ANP32B: variants seen among roughly 807,000 people sequenced by gnomAD.
ANP32B encodes acidic nuclear phosphoprotein 32 family member B.
A neutral mutation model predicts 32.2 loss-of-function variants in ANP32B; 6 were observed. That is an observed-to-expected ratio of 0.19 (90% CI 0.10 to 0.37). The LOEUF (loss-of-function observed/expected upper bound fraction) is 0.37. Among genes scored for constraint, ANP32B ranks in the 10% least tolerant of loss-of-function variants. The pLI, the probability that ANP32B is intolerant of heterozygous loss-of-function variation, is 1.00. For missense variants in ANP32B, 204 were observed against 289.2 expected, an observed-to-expected ratio of 0.71 and a Z score of 2.14; for synonymous variants, 98 against 105.8, an observed-to-expected ratio of 0.93 and a Z score of 0.45.
intron 1 of ANP32B, among the ~76,000 whole-genome samples, chr9:97,986,284 A>G (rs1035346479): frequency 6.6e-6 from 1 of 152,286 alleles, no homozygotes; most frequent in Non-Finnish European, 1.5e-5. Flanking sequence ...ACTGGCCTGC[A>G]GAATCCACTG....
intron 3 of ANP32B, among the ~76,000 whole-genome samples, chr9:98,000,239 A>T (rs1414384906): frequency 6.6e-6 from 1 of 152,118 alleles, no homozygotes. Context: ...TCGACCTCCC[A>T]AAGTGTTTGG....
chr9:98,011,829 T>C (rs768345923), intron 5 of ANP32B, among the ~76,000 whole-genome samples: 1 of 152,194 alleles, frequency 6.6e-6, no homozygotes, highest in Non-Finnish European at 1.5e-5. Context: ...TGAAATGAGA[T>C]TGTGGTCCTG....
chr9:97,987,848 G>C (rs1448349918), intron 1 of ANP32B, among the ~76,000 whole-genome samples: 1 of 152,028 alleles, frequency 6.6e-6, no homozygotes, highest in African/African-American at 2.4e-5. Context: ...GACCTCTTTT[G>C]TTGTGTCTAC....
chr9:97,990,975 A>C (rs1340540374), intron 1 of ANP32B, among the ~76,000 whole-genome samples: 2 of 152,016 alleles, frequency 1.3e-5, no homozygotes, highest in Non-Finnish European at 2.9e-5. Context: ...GCACACCACC[A>C]TGCCCGGCAC....
rs1587868331 is a variant in ANP32B, at chr9:97,984,226, G to C, written c.54+617G>C. ...TGGAGGCCTGGGCGGGCGCGGCCCG[G>C]CGCGCGGAGCGGGGGAGGGGCGGGC... On this transcript the variant is annotated intron_variant, in intron 1 of 6. Transcript: ENST00000339399. Among the ~76,000 whole-genome samples the C allele has an allele frequency of 2.0e-5, 3 of 150,848 alleles. No individual in the cohort carries two copies. The East Asian group carries it at 5.9e-4, about 30-fold the overall frequency.
intron 5 of ANP32B, 58 bp from the exon 6 acceptor site, chr9:98,012,363 T>C: frequency 1.3e-6 from 2 of 1,587,984 alleles, no homozygotes; most frequent in East Asian, 2.2e-5. Flanking sequence ...ATTTGTACTA[T>C]ATGCACTTTT....
intron 1 of ANP32B, among the ~76,000 whole-genome samples, chr9:97,984,082 G>C (rs1587868151): frequency 6.7e-6 from 1 of 149,926 alleles, no homozygotes. Flanking sequence ...GGGTGGGGCG[G>C]GACGGGGGCT....
intron 6 of ANP32B, among the ~76,000 whole-genome samples, chr9:98,014,264 C>T (rs1587883180): frequency 6.6e-6 from 1 of 151,810 alleles, no homozygotes; most frequent in African/African-American, 2.4e-5. Context: ...AAAAATTAGC[C>T]GGGTGTGGTG....
At chr9:97,990,026 T>C (rs545352358) in intron 1 of ANP32B, among the ~76,000 whole-genome samples, 2 of 152,300 alleles carry the variant, frequency 1.3e-5, no homozygotes, top group South Asian at 4.1e-4. Flanking sequence ...GGGTAGTCTT[T>C]TGGCCCTAAG....
chr9:97,983,500 C>A lies in ANP32B; in HGVS notation c.-56C>A, dbSNP rs1476705659. On this transcript the variant is annotated 5_prime_UTR_variant, in exon 1 of 7. Transcript: ENST00000339399. ...TCGCTGCGCAAGCCGGGACGCCTCT[C>A]CCCCCTCCGCCCCCGCCGCGGAAAG... 1.4e-6 allele frequency: 2 copies of A among 1,468,990 alleles called. No individual in the cohort carries two copies. The highest frequency in any genetic ancestry group is 1.2e-5 in the South Asian group (1 of 80,804). 91.0% of individuals were successfully genotyped at this position (1,468,990 alleles called of 1,614,324 possible).
intron 2 of ANP32B, among the ~76,000 whole-genome samples, chr9:97,997,735 C>A (rs1480022080): frequency 6.6e-6 from 1 of 152,178 alleles, no homozygotes; most frequent in Admixed American, 6.5e-5. Flanking sequence ...AGAATCAGAA[C>A]CAGCTGTGTA....
chr9:98,006,609 G>C (rs1828087477), intron 4 of ANP32B, among the ~76,000 whole-genome samples: 1 of 152,198 alleles, frequency 6.6e-6, no homozygotes, highest in African/African-American at 2.4e-5. Flanking sequence ...TTAAATTACA[G>C]GTTCATTGCA....
intron 1 of ANP32B, among the ~76,000 whole-genome samples, chr9:97,989,948 A>G (rs1421901475): frequency 6.6e-6 from 1 of 152,234 alleles, no homozygotes; most frequent in East Asian, 1.9e-4. Context: ...GCTGACATAA[A>G]TTCTCCCTTT....
At chr9:98,012,161 C>T (rs1034795578) in intron 5 of ANP32B, among the ~76,000 whole-genome samples, 1 of 152,096 alleles carries the variant, frequency 6.6e-6, no homozygotes, top group African/African-American at 2.4e-5. Flanking sequence ...CTTGAATTAT[C>T]CAGAGTTATA....
chr9:98,015,743 A>C lies in ANP32B; in HGVS notation c.*312A>C. On this transcript the variant is annotated 3_prime_UTR_variant, in exon 7 of 7. Coordinates refer to ENST00000339399, the MANE Select transcript of ANP32B (RefSeq NM_006401.3). ...TCAACCGTCTGTGGCTACCAGTTACACTGAGATTGTAACAGCATTTTTACT... is the reference window on the plus strand; with the variant it reads ...TCAACCGTCTGTGGCTACCAGTTACCCTGAGATTGTAACAGCATTTTTACT... The C allele has an allele frequency of 2.0e-6, 2 of 1,020,364 alleles. No homozygotes were observed. The highest frequency in any genetic ancestry group is 2.3e-6 in the Non-Finnish European group (2 of 852,376). 63.2% of individuals were successfully genotyped at this position (1,020,364 alleles called of 1,614,324 possible).
chr9:97,983,644 G>C lies in ANP32B; in HGVS notation c.54+35G>C, dbSNP rs943530649. The C allele has an allele frequency of 3.3e-6, 5 of 1,514,024 alleles. No homozygotes were observed. The African/African-American group carries it at 4.3e-5, about 13-fold the overall frequency. The allele number at this position is 1,514,024 out of a possible 1,614,324, so 93.8% of individuals were successfully genotyped here. A position where few individuals can be genotyped will look rare whatever the true frequency, so the allele number is the denominator to read the frequency against. ...GACCCCTCTGGGTGCCCTCTCCCCC[G>C]ATGACTTGCATGTAATGGTGGCCAC... is the stretch of plus-strand genomic sequence containing the variant. On this transcript the variant is annotated intron_variant, in intron 1 of 6. Transcript: ENST00000339399.
chr9:98,015,245 C>T, intron 6 of ANP32B, 119 bp from the exon 7 acceptor site: 1 of 1,419,644 alleles, frequency 7.0e-7, no homozygotes, highest in Non-Finnish European at 9.4e-7. Flanking sequence ...TTAATCTGAT[C>T]AAGTTTACAT....
chr9:98,000,921 CAAAAAA>C (rs543121018), intron 3 of ANP32B, among the ~76,000 whole-genome samples: 1 of 93,940 alleles, frequency 1.1e-5, no homozygotes. Context: ...GACTCCATCT[CAAAAAA>C]AAAAAAAAAA....
chr9:98,005,835 A>C (rs1828073143), intron 4 of ANP32B, among the ~76,000 whole-genome samples: 1 of 152,168 alleles, frequency 6.6e-6, no homozygotes, highest in Admixed American at 6.5e-5. Context: ...TTCCTACTTC[A>C]GGGGTCTTCA....
Sources: gnomAD v4.1 joint callset for allele counts (sites outside exome capture counted in the v4.1 genomes callset) on GRCh38, gnomAD v4.1.1 for gene constraint, MANE v1.5 for transcripts, NCBI Gene and HGNC (gene_info 2026-07-23, HGNC 2026-07-21) for gene names.